The following ECT2L variants were observed in gnomAD, a reference collection of about 807,000 sequenced individuals.
The protein encoded by ECT2L is epithelial cell-transforming sequence 2 oncogene-like.
In ECT2L, 126 loss-of-function variants were observed where a neutral mutation model predicts 122.8. The ratio of observed to expected loss-of-function variants is 1.03; its 90% CI spans 0.89 to 1.19. The LOEUF is 1.19. Ranked by LOEUF, ECT2L falls within the 50% of genes most tolerant of loss-of-function variation. The pLI is 0.00. For missense variants in ECT2L, 1,012 were observed against 1,064.1 expected, an observed-to-expected ratio of 0.95 and a Z score of 0.68; for synonymous variants, 385 against 381.8, an observed-to-expected ratio of 1.01 and a Z score of -0.10.
intron 8 of ECT2L, among the ~76,000 whole-genome samples, chr6:138,847,682 G>A (rs1444840749): frequency 2.6e-5 from 4 of 151,784 alleles, no homozygotes; most frequent in African/African-American, 4.8e-5. Context: ...CAGCCTAAAG[G>A]CCCAAACTTT....
intron 20 of ECT2L, among the ~76,000 whole-genome samples, chr6:138,899,195 G>A (rs1287976361): frequency 1.3e-5 from 2 of 151,956 alleles, no homozygotes; most frequent in African/African-American, 4.8e-5. Context: ...GGAAAAAAAG[G>A]AGGGGACCCA....
intron 13 of ECT2L, among the ~76,000 whole-genome samples, chr6:138,869,719 G>A (rs1778180180): frequency 6.6e-6 from 1 of 152,162 alleles, no homozygotes; most frequent in African/African-American, 2.4e-5. Flanking sequence ...TAATTTGGAT[G>A]GTGCTCAAAC....
intron 13 of ECT2L, among the ~76,000 whole-genome samples, chr6:138,875,034 C>G (rs78887529): frequency 0.052 from 7,974 of 152,202 alleles, 277 homozygotes; most frequent in Middle Eastern, 0.11. Context: ...CTGCAGTGAG[C>G]AAATATTGCA....
At chr6:138,807,531 G>A (rs996601534) in intron 1 of ECT2L, among the ~76,000 whole-genome samples, 10 of 152,072 alleles carry the variant, frequency 6.6e-5, no homozygotes, top group South Asian at 6.2e-4. Context: ...CCACTACACC[G>A]TCTCCTCCAC....
chr6:138,846,395 C>T, intron 7 of ECT2L, 144 bp from the exon 8 acceptor site: 1 of 634,280 alleles, frequency 1.6e-6, no homozygotes, highest in East Asian at 3.2e-5. Context: ...TACTACTGTC[C>T]TCACAAAACA....
chr6:138,809,519 C>A (rs918913385), intron 1 of ECT2L, among the ~76,000 whole-genome samples: 4 of 151,358 alleles, frequency 2.6e-5, no homozygotes, highest in Non-Finnish European at 5.9e-5. Context: ...ATAATTTTCT[C>A]TTTTTTTTTG....
At chr6:138,824,568 C>CAAAAAAAA (rs375064265) in intron 4 of ECT2L, among the ~76,000 whole-genome samples, 1 of 91,698 alleles carries the variant, frequency 1.1e-5, no homozygotes, top group Non-Finnish European at 2.3e-5. Flanking sequence ...TAAAAAAAAA[C>CAAAAAAAA]AAAAAACAAA....
chr6:138,846,185 A>C (rs1319479162), intron 7 of ECT2L, among the ~76,000 whole-genome samples: 2 of 152,152 alleles, frequency 1.3e-5, no homozygotes, highest in Non-Finnish European at 2.9e-5. Context: ...CTCAGGAACA[A>C]CTGAGGCCTA....
At chr6:138,864,846 A>G (rs78724070) in intron 11 of ECT2L, 150 bp from the exon 12 acceptor site, 9,115 of 622,298 alleles carry the variant, frequency 0.015, 130 homozygotes, top group Admixed American at 0.059. Context: ...CTTTGAAAAC[A>G]GAGGATGGGT....
chr6:138,877,509 T>A (rs1455045854), intron 14 of ECT2L, among the ~76,000 whole-genome samples: 1 of 152,190 alleles, frequency 6.6e-6, no homozygotes, highest in Non-Finnish European at 1.5e-5. Context: ...TAAAAATATA[T>A]ACATACAGAA....
chr6:138,800,345 A>C (rs556873342), intron 1 of ECT2L, among the ~76,000 whole-genome samples: 2 of 152,244 alleles, frequency 1.3e-5, no homozygotes, highest in Non-Finnish European at 2.9e-5. Context: ...GCTTCTGTAG[A>C]AAAGACACAC....
chr6:138,851,028 AAG>A (rs1777431062), intron 9 of ECT2L, among the ~76,000 whole-genome samples: 1 of 150,250 alleles, frequency 6.7e-6, no homozygotes, highest in Admixed American at 6.6e-5. Context: ...AAAAAAGAGA[AAG>A]AGAGAAAGAA....
chr6:138,814,673 C>CGG, intron 4 of ECT2L, 70 bp downstream of exon 4: 2 of 916,814 alleles, frequency 2.2e-6, no homozygotes, highest in Non-Finnish European at 3.2e-6. Context: ...TTTATATAAC[C>CGG]TTTAAGAGAT....
At chr6:138,896,178 A>T (rs1582672774) in intron 20 of ECT2L, among the ~76,000 whole-genome samples, 1 of 147,346 alleles carries the variant, frequency 6.8e-6, no homozygotes, top group South Asian at 2.1e-4. Flanking sequence ...TGATCCTCCC[A>T]ACTCGGCCTC....
At chr6:138,796,578 TC>T (rs1775351344) in intron 1 of ECT2L, among the ~76,000 whole-genome samples, 1 of 150,544 alleles carries the variant, frequency 6.6e-6, no homozygotes, top group Non-Finnish European at 1.5e-5. Flanking sequence ...TCCTATGGGG[TC>T]CAAAAATGTA....
At chr6:138,870,566 G>A (rs79805351) in intron 13 of ECT2L, among the ~76,000 whole-genome samples, 2,099 of 146,630 alleles carry the variant, frequency 0.014, 31 homozygotes, top group Admixed American at 0.049. Context: ...TTTGGTTGTG[G>A]GGAGAAAGGT....
At chr6:138,842,563 A>C (rs1777077295) in intron 5 of ECT2L, among the ~76,000 whole-genome samples, 1 of 152,166 alleles carries the variant, frequency 6.6e-6, no homozygotes, top group Admixed American at 6.5e-5. Flanking sequence ...CGAGGTCAGG[A>C]GATGGAGACC....
At chr6:138,863,064 T>C (rs1777895094) in intron 11 of ECT2L, among the ~76,000 whole-genome samples, 1 of 152,212 alleles carries the variant, frequency 6.6e-6, no homozygotes, top group Admixed American at 6.5e-5. Flanking sequence ...TATGGTTTTA[T>C]TTGGAAAAAT....
chr6:138,879,799 A>G (rs574314028), intron 14 of ECT2L, among the ~76,000 whole-genome samples: 1 of 152,254 alleles, frequency 6.6e-6, no homozygotes, highest in South Asian at 2.1e-4. Flanking sequence ...CCAAAAACAC[A>G]AAAATTAGCT....
Sources: gnomAD v4.1 joint callset for allele counts (sites outside exome capture counted in the v4.1 genomes callset) on GRCh38, gnomAD v4.1.1 for gene constraint, MANE v1.5 for transcripts, NCBI Gene and HGNC (gene_info 2026-07-23, HGNC 2026-07-21) for gene names.